Variants in TENM1 observed in about 807,000 individuals in gnomAD.
TENM1 encodes teneurin transmembrane protein 1.
In TENM1, 35 loss-of-function variants were observed where a neutral mutation model predicts 174.8. That is an observed-to-expected ratio of 0.20 (90% confidence interval 0.15 to 0.27). TENM1 has a LOEUF of 0.27. TENM1 is among the 10% of genes least tolerant of loss of function. The pLI is 1.00. For synonymous variants in TENM1, 781 were observed against 798.7 expected, an observed-to-expected ratio of 0.98 and a Z score of 0.37; for missense variants, 1,633 against 2,130.1, an observed-to-expected ratio of 0.77 and a Z score of 4.59.
intron 11 of TENM1, among the ~76,000 whole-genome samples, chrX:124,571,843 T>C (rs919973656): frequency 8.9e-6 from 1 of 111,795 alleles, no homozygotes; most frequent in Non-Finnish European, 1.9e-5. Flanking sequence ...AGATAATCTC[T>C]ATTTTAAACT....
intron 17 of TENM1, among the ~76,000 whole-genome samples, chrX:124,523,104 T>C (rs1369151094): frequency 8.9e-6 from 1 of 112,428 alleles, no homozygotes; most frequent in African/African-American, 3.2e-5. Context: ...ACAGTGTTTA[T>C]TAGGTCAAAG....
rs186909634 is a variant in TENM1 at position 124,943,030 on chromosome X, C to T, written c.217+20507G>A. Among the ~76,000 whole-genome samples the T allele has an allele frequency of 3.8e-3, 420 of 111,159 alleles. 3 individuals are homozygous for T. Among genetic ancestry groups the T allele is most frequent in the Non-Finnish European group, 4.7e-3 (249 of 52,892 alleles). On this transcript the variant is annotated intron_variant, in intron 1 of 31. Coordinates refer to ENST00000422452, the Ensembl canonical transcript of TENM1. ...TTCATTTTACTTTTCTTCTTTGGTTCGAAGATTCTCTCTAGAGGCAGAAGG... is the reference window on the plus strand; with the variant it reads ...TTCATTTTACTTTTCTTCTTTGGTTTGAAGATTCTCTCTAGAGGCAGAAGG...
In TENM1 at chrX:124,406,441, C is replaced by T. The variant is rs900074080; in HGVS notation, c.5031G>A (p.Glu1677=). Residue 1677 remains glutamate (E), a synonymous_variant, in exon 26 of 32, where the codon GAG becomes GAA. Coordinates refer to ENST00000422452, the Ensembl canonical transcript of TENM1. ...CCAGGTCACTGTGGAAGCTGCTGAC[C>T]TCTCCAGTGGGAAACGTTGCATTGG... 3 of 1,209,381 alleles carry T rather than the reference C, an allele frequency of 2.5e-6. No individual in the cohort carries two copies. In the Admixed American group the frequency reaches 6.5e-5, roughly 26 times the overall value.
rs182644736 is a variant in TENM1, at chrX:124,433,615, C to T, written c.4105-10977G>A. 3.8e-3 allele frequency among the ~76,000 whole-genome samples: 417 copies of T among 110,905 alleles called. 3 individuals are homozygous for T. Among genetic ancestry groups the T allele is most frequent in the African/African-American group, 0.013 (396 of 30,765 alleles). On this transcript the variant is annotated intron_variant, in intron 23 of 31. Transcript: ENST00000422452. Reference sequence around the variant, plus strand: ...TAGTATCTGGCATTAAGCTGGCAAACGTTTGTTGAATGAAAATATTAGTGC... The same window carrying T: ...TAGTATCTGGCATTAAGCTGGCAAATGTTTGTTGAATGAAAATATTAGTGC...
chrX:125,121,845 G>C, the TENM1 span, among the ~76,000 whole-genome samples: 2 of 112,477 alleles, frequency 1.8e-5, no homozygotes, highest in African/African-American at 6.5e-5. Context: ...TGCCAAGGCA[G>C]GAGGATCACT....
intron 3 of TENM1, among the ~76,000 whole-genome samples, chrX:124,866,918 T>C (rs886219547): frequency 1.6e-4 from 18 of 111,272 alleles, no homozygotes; most frequent in African/African-American, 5.2e-4. Context: ...AATTCCTAGA[T>C]ACATATAACC....
the TENM1 span, among the ~76,000 whole-genome samples, chrX:125,063,155 C>G: frequency 8.9e-6 from 1 of 111,772 alleles, no homozygotes; most frequent in East Asian, 2.8e-4. Context: ...CATCATGCCC[C>G]AAATTCATGC....
At chrX:124,886,542 TATATATAG>T (rs1427436614) in intron 3 of TENM1, among the ~76,000 whole-genome samples, 7 of 88,655 alleles carry the variant, frequency 7.9e-5, no homozygotes, top group East Asian at 3.7e-4. Flanking sequence ...TATATATATA[TATATATAG>T]AGAGAGAGAG....
At chrX:124,960,369 C>G (rs764461642) in intron 1 of TENM1, among the ~76,000 whole-genome samples, 1 of 111,858 alleles carries the variant, frequency 8.9e-6, no homozygotes, top group Non-Finnish European at 1.9e-5. Context: ...TCCACAGCAC[C>G]TTTTTTATCT....
At chrX:125,050,732 A>G in the TENM1 span, among the ~76,000 whole-genome samples, 9 of 111,363 alleles carry the variant, frequency 8.1e-5, no homozygotes, top group East Asian at 2.8e-4. Flanking sequence ...CTGAGGAATC[A>G]CCACAGTGAC....
chrX:124,500,132 T>A (rs1279647084), intron 19 of TENM1, among the ~76,000 whole-genome samples: 2 of 111,735 alleles, frequency 1.8e-5, no homozygotes, highest in African/African-American at 6.5e-5. Flanking sequence ...GAAGAATGAT[T>A]AAAGGAAATA....
At chrX:125,100,772 C>A in the TENM1 span, among the ~76,000 whole-genome samples, 2 of 111,607 alleles carry the variant, frequency 1.8e-5, no homozygotes, top group Middle Eastern at 9.3e-3. Flanking sequence ...TCCCCTCCTT[C>A]TCCTCCTGAT....
chrX:124,765,922 C>A (rs968689149), intron 3 of TENM1, among the ~76,000 whole-genome samples: 1 of 111,651 alleles, frequency 9.0e-6, no homozygotes, highest in Non-Finnish European at 1.9e-5. Flanking sequence ...TGACTAGATA[C>A]CGTCACGGAA....
At chrX:124,546,899 G>T in exon 15 of TENM1, 1 of 1,208,964 alleles carries the variant, frequency 8.3e-7, no homozygotes, top group South Asian at 1.8e-5. Flanking sequence ...ACCTCAGGAG[G>T]AATGACATGA....
At chrX:124,891,983 T>TA (rs1311771655) in intron 3 of TENM1, among the ~76,000 whole-genome samples, 1 of 112,046 alleles carries the variant, frequency 8.9e-6, no homozygotes, top group African/African-American at 3.3e-5. Context: ...GTCTAGTGCT[T>TA]ATTAACAATG....
the TENM1 span, among the ~76,000 whole-genome samples, chrX:125,126,045 G>A: frequency 5.1e-4 from 57 of 111,699 alleles, no homozygotes; most frequent in African/African-American, 1.8e-3. Context: ...GTTTCTAAAC[G>A]TTTACTTCAA....
intron 22 of TENM1, among the ~76,000 whole-genome samples, chrX:124,456,742 C>A (rs1424756543): frequency 9.0e-6 from 1 of 111,623 alleles, no homozygotes; most frequent in Non-Finnish European, 1.9e-5. Context: ...GATTTCAGAT[C>A]ACATAAAGCC....
intron 10 of TENM1, among the ~76,000 whole-genome samples, chrX:124,642,713 G>A (rs2051048623): frequency 8.9e-6 from 1 of 111,820 alleles, no homozygotes; most frequent in Non-Finnish European, 1.9e-5. Context: ...TCTAACAAAT[G>A]TGTATACTGT....
chrX:124,974,133 T>A, the TENM1 span, among the ~76,000 whole-genome samples: 1 of 111,632 alleles, frequency 9.0e-6, no homozygotes, highest in African/African-American at 3.3e-5. Context: ...CAAGAAAGCA[T>A]AAGAGAGCAA....
Sources: gnomAD v4.1 joint callset for allele counts (sites outside exome capture counted in the v4.1 genomes callset) on GRCh38, gnomAD v4.1.1 for gene constraint, MANE v1.5 for transcripts, NCBI Gene and HGNC (gene_info 2026-07-23, HGNC 2026-07-21) for gene names.